WDR7: variants seen among roughly 807,000 people sequenced by gnomAD.
WDR7 encodes the protein WD repeat domain 7, also known as WD repeat-containing protein 7.
In WDR7, 46 loss-of-function variants were observed where a neutral mutation model predicts 169.4. That is an observed-to-expected ratio of 0.27 (90% confidence interval 0.21 to 0.35). The LOEUF is 0.35. Ranked by LOEUF, WDR7 falls within the 10% of genes least tolerant of loss-of-function variation. WDR7 has a pLI of 1.00. For missense variants in WDR7, 1,534 were observed against 1,859.3 expected, an observed-to-expected ratio of 0.83 and a Z score of 3.22; for synonymous variants, 612 against 666.8, an observed-to-expected ratio of 0.92 and a Z score of 1.27.
intron 14 of WDR7, among the ~76,000 whole-genome samples, chr18:56,748,931 ACT>A (rs1222570351): frequency 3.3e-5 from 5 of 151,594 alleles, no homozygotes; most frequent in African/African-American, 9.7e-5. Context: ...CTCCCTTTTC[ACT>A]CTCTGCCTTT....
chr18:56,693,347 T>C (rs181795835), intron 9 of WDR7, among the ~76,000 whole-genome samples: 3 of 152,234 alleles, frequency 2.0e-5, no homozygotes, highest in Middle Eastern at 3.4e-3. Flanking sequence ...TAGTACTTCA[T>C]TGAAGGCACA....
chr18:56,765,729 C>T (rs548386298), intron 16 of WDR7, among the ~76,000 whole-genome samples: 116 of 150,490 alleles, frequency 7.7e-4, no homozygotes, highest in African/African-American at 2.8e-3. Flanking sequence ...AGACTTCTAT[C>T]TGGTAAAATT....
Position 56,832,995 on chromosome 18 carries a change from A to C in WDR7, c.3304+16851A>C, listed in dbSNP as rs1275644866. Among the ~76,000 whole-genome samples, 4 of 152,110 alleles carry C rather than the reference A, an allele frequency of 2.6e-5. No homozygotes were observed. In the East Asian group the frequency reaches 7.8e-4, roughly 30 times the overall value. ...ACCGGACAGAGAATGAGTTTGACGA[A>C]GAGACAGAAGTAGGCTTCAGAAGGT... On this transcript the variant is annotated intron_variant, in intron 20 of 27. Coordinates refer to ENST00000254442, the MANE Select transcript of WDR7 (RefSeq NM_015285.3).
chr18:56,855,510 A>G (rs1202405618), intron 20 of WDR7, among the ~76,000 whole-genome samples: 1 of 152,144 alleles, frequency 6.6e-6, no homozygotes, highest in African/African-American at 2.4e-5. Context: ...AAGTTTTCCT[A>G]CAGACATAAA....
At chr18:56,932,420 C>T (rs1294381634) in intron 22 of WDR7, among the ~76,000 whole-genome samples, 1 of 152,186 alleles carries the variant, frequency 6.6e-6, no homozygotes, top group Non-Finnish European at 1.5e-5. Flanking sequence ...AAGCACCAAC[C>T]TTTATCATTT....
At chr18:56,905,216 T>G (rs893830728) in intron 21 of WDR7, among the ~76,000 whole-genome samples, 8 of 152,336 alleles carry the variant, frequency 5.3e-5, no homozygotes, top group African/African-American at 1.9e-4. Context: ...TGGCACCATC[T>G]TGGCTCACCC....
intron 22 of WDR7, among the ~76,000 whole-genome samples, chr18:56,932,680 G>T (rs2046902610): frequency 6.6e-6 from 1 of 152,156 alleles, no homozygotes; most frequent in Admixed American, 6.5e-5. Context: ...TAGTCTTCTT[G>T]TCAGTGCTGT....
chr18:56,986,461 G>A (rs1426366556), intron 26 of WDR7, among the ~76,000 whole-genome samples: 1 of 152,082 alleles, frequency 6.6e-6, no homozygotes, highest in Non-Finnish European at 1.5e-5. Flanking sequence ...TAGGTTTTAT[G>A]TTTGAAGGAT....
chr18:56,862,387 G>A (rs1246372523), intron 20 of WDR7, among the ~76,000 whole-genome samples: 1 of 151,088 alleles, frequency 6.6e-6, no homozygotes, highest in Non-Finnish European at 1.5e-5. Flanking sequence ...ACTCTCTCTT[G>A]TGTTTTTTAT....
At chr18:56,918,405 A>G (rs2046659032) in intron 21 of WDR7, among the ~76,000 whole-genome samples, 1 of 152,232 alleles carries the variant, frequency 6.6e-6, no homozygotes, top group Non-Finnish European at 1.5e-5. Context: ...CCAGGATAGT[A>G]AATTTATTAC....
At chr18:56,733,461 A>T (rs870243) in intron 14 of WDR7, among the ~76,000 whole-genome samples, 86,953 of 152,022 alleles carry the variant, frequency 0.57, 26,675 homozygotes, top group East Asian at 0.79. Context: ...ATGGTACAGG[A>T]CTTACTCTAG....
intron 13 of WDR7, among the ~76,000 whole-genome samples, chr18:56,718,541 G>GTT (rs2026245268): frequency 6.6e-6 from 1 of 152,174 alleles, no homozygotes; most frequent in Admixed American, 6.5e-5. Context: ...ATGCTGGGCA[G>GTT]TTACTTGTAT....
chr18:56,867,005 A>G (rs1001502635), intron 20 of WDR7, among the ~76,000 whole-genome samples: 2 of 146,234 alleles, frequency 1.4e-5, no homozygotes, highest in African/African-American at 5.6e-5. Context: ...AACTTTATTT[A>G]CTTACTTATT....
chr18:56,730,061 G>A (rs2026548552), intron 13 of WDR7, among the ~76,000 whole-genome samples: 1 of 152,044 alleles, frequency 6.6e-6, no homozygotes, highest in Admixed American at 6.5e-5. Flanking sequence ...TTAGAACTCT[G>A]TATTTTGAGG....
At chr18:56,713,601 G>A (rs1051897983) in intron 12 of WDR7, among the ~76,000 whole-genome samples, 1 of 152,144 alleles carries the variant, frequency 6.6e-6, no homozygotes, top group Admixed American at 6.5e-5. Context: ...TACAGTTTAA[G>A]TGTTTTATAC....
intron 25 of WDR7, among the ~76,000 whole-genome samples, chr18:56,954,100 G>A (rs540943008): frequency 1.3e-5 from 2 of 152,076 alleles, no homozygotes; most frequent in African/African-American, 4.8e-5. Flanking sequence ...AAAGGACTTG[G>A]GATATAATTT....
At chr18:56,808,967 T>C (rs1169030405) in intron 19 of WDR7, among the ~76,000 whole-genome samples, 1 of 152,112 alleles carries the variant, frequency 6.6e-6, no homozygotes. Context: ...GAGGATCTCA[T>C]AGTCTTTCTT....
chr18:56,761,452 T>G (rs948303355), intron 16 of WDR7, among the ~76,000 whole-genome samples: 2 of 152,206 alleles, frequency 1.3e-5, no homozygotes, highest in Non-Finnish European at 2.9e-5. Flanking sequence ...CTTATTTTTT[T>G]TAAAGTGTGT....
chr18:56,780,885 C>G (rs1568190913), intron 18 of WDR7, among the ~76,000 whole-genome samples: 5 of 152,068 alleles, frequency 3.3e-5, no homozygotes, highest in Non-Finnish European at 1.5e-5. Flanking sequence ...CAAAATAACA[C>G]TAAATTAAAA....
Sources: gnomAD v4.1 joint callset for allele counts (sites outside exome capture counted in the v4.1 genomes callset) on GRCh38, gnomAD v4.1.1 for gene constraint, MANE v1.5 for transcripts, NCBI Gene and HGNC (gene_info 2026-07-23, HGNC 2026-07-21) for gene names.